FMO2: variants seen among roughly 807,000 people sequenced by gnomAD.
FMO2 encodes flavin-containing monooxygenase 2.
FMO2 carries 33 observed loss-of-function variants against 41.6 expected under a neutral mutation model. The observed-to-expected ratio is 0.79, with a 90% CI of 0.60 to 1.06. FMO2 has a LOEUF of 1.06. FMO2 is among the 50% of genes least tolerant of loss of function. The pLI, the probability that FMO2 is intolerant of heterozygous loss-of-function variation, is 0.00. For missense variants in FMO2, 619 were observed against 632.9 expected (o/e 0.98, Z 0.23); for synonymous variants, 214 against 219.6 (o/e 0.97, Z 0.23).
chr1:171,196,920 C>G, intron 4 of FMO2, 109 bp downstream of exon 4: 1 of 924,992 alleles, frequency 1.1e-6, no homozygotes, highest in South Asian at 1.6e-5. Flanking sequence ...GAACTTGGCT[C>G]AATAAGATTG....
rs140394156 is a variant in FMO2, at chr1:171,199,358, T to C, written c.497T>C (p.Phe166Ser). Residue 166 changes from phenylalanine (F) to serine (S), a missense_variant, in exon 5 of 9, where the codon TTC (phenylalanine) becomes TCC (serine). Transcript: ENST00000209929. ...PLKSFPGMER[F>S]KGQYFHSRQY... ...CTTCCCCCTGAAGGTATGGAGAGGT[T>C]CAAAGGCCAATATTTCCATAGCCGC... 8,746 of 1,608,106 alleles carry C rather than the reference T, an allele frequency of 5.4e-3. 27 individuals carry two copies. The highest frequency in any genetic ancestry group is 6.6e-3 in the Non-Finnish European group (7,772 of 1,177,332).
intron 2 of FMO2, among the ~76,000 whole-genome samples, chr1:171,189,662 T>C (rs1175235522): frequency 2.2e-5 from 3 of 137,960 alleles, no homozygotes; most frequent in South Asian, 4.6e-4. Flanking sequence ...TTCTTTTCTT[T>C]TTTTTTTTTT....
chr1:171,186,785 A>T (rs535367232), intron 2 of FMO2, among the ~76,000 whole-genome samples: 2 of 152,334 alleles, frequency 1.3e-5, no homozygotes, highest in East Asian at 3.9e-4. Context: ...ATAAGGAGTT[A>T]CAATTATTCC....
At chr1:171,196,842 G>C (rs1462426830) in intron 4 of FMO2, 31 bp downstream of exon 4, 1 of 1,602,732 alleles carries the variant, frequency 6.2e-7, no homozygotes. Context: ...CAGCTTTTTG[G>C]AGTAGGTTTC....
In FMO2 at chr1:171,185,752, T is replaced by C. The variant is rs1297745958; in HGVS notation, c.39T>C (p.Ser13=). ...TAGCTGTGATTGGAGCTGGGGTCAG[T>C]GGCCTAATTTCTCTGAAGTGCTGTG... ...KKVAVIGAGV[S]GLISLKCCVD... The change falls in exon 2 of 9, where the codon AGT becomes AGC. Residue 13 remains serine (S), a synonymous_variant. Coordinates refer to ENST00000209929, the MANE Select transcript of FMO2 (RefSeq NM_001460.5). The C allele has an allele frequency of 6.2e-7, 1 of 1,613,900 alleles. No individual in the cohort carries two copies. Among genetic ancestry groups the C allele is most frequent in the East Asian group, 2.2e-5 (1 of 44,878 alleles).
chr1:171,185,720 A>C lies in FMO2; in HGVS notation c.7A>C (p.Lys3Gln). MA[K>Q]KVAVIGAGVS... ...AACTCCTTGACAGGAGCTGATGGCA[A>C]AGAAGGTAGCTGTGATTGGAGCTGG... Residue 3 changes from lysine to glutamine, a missense_variant, in exon 2 of 9, where the codon AAG (lysine) becomes CAG (glutamine). Coordinates refer to ENST00000209929, the MANE Select transcript of FMO2 (RefSeq NM_001460.5). The C allele has an allele frequency of 6.2e-7, 1 of 1,613,736 alleles. No individual in the cohort carries two copies. The highest frequency in any genetic ancestry group is 8.5e-7 in the Non-Finnish European group (1 of 1,179,722).
chr1:171,201,457 A>C (rs1658532598), intron 5 of FMO2, among the ~76,000 whole-genome samples: 1 of 152,204 alleles, frequency 6.6e-6, no homozygotes, highest in Admixed American at 6.5e-5. Context: ...CTGTGAAAAG[A>C]CTAACCAGAG....
In FMO2 at chr1:171,205,346, G is replaced by C. The variant is rs758174087; in HGVS notation, c.895G>C (p.Val299Leu). Residue 299 changes from valine to leucine, a missense_variant, in exon 7 of 9, where the codon GTG becomes CTG. Val to Leu is a conservative substitution (Grantham distance 32). Transcript: ENST00000209929. ...TCGTCTACTCTGTGGAGCCATCAAG[G>C]TGAAATCTACAGTGAAAGAGCTCAC... The part of the protein sequence containing the change: ...PSRLLCGAIK[V>L]KSTVKELTET... 6.2e-7 allele frequency: 1 copy of C among 1,613,846 alleles called. No individual in the cohort carries two copies. The highest frequency in any genetic ancestry group is 8.5e-7 in the Non-Finnish European group (1 of 1,179,862).
At chr1:171,196,891 T>G in intron 4 of FMO2, 80 bp downstream of exon 4, 1 of 1,306,406 alleles carries the variant, frequency 7.7e-7, no homozygotes, top group Non-Finnish European at 1.1e-6. Flanking sequence ...CAAGCAGGAT[T>G]CATTGCTGCA....
intron 7 of FMO2, among the ~76,000 whole-genome samples, chr1:171,206,350 T>C (rs1025677711): frequency 6.6e-6 from 1 of 152,158 alleles, no homozygotes; most frequent in Non-Finnish European, 1.5e-5. Flanking sequence ...GATAACTGCA[T>C]TTCTCAGGGG....
intron 6 of FMO2, 92 bp downstream of exon 6, chr1:171,204,156 C>T (rs1008575679): frequency 1.1e-5 from 10 of 885,360 alleles, no homozygotes; most frequent in South Asian, 5.9e-5. Context: ...ATTGCTAACA[C>T]GGTAGTTAAA....
Position 171,209,258 on chromosome 1 carries a change from T to C in FMO2, c.*113T>C, listed in dbSNP as rs1571296840. 1 of 405,840 alleles carries C rather than the reference T, an allele frequency of 2.5e-6. No homozygotes were observed. Among genetic ancestry groups the C allele is most frequent in the African/African-American group, 2.1e-5 (1 of 48,708 alleles). The allele number at this position is 405,840 out of a possible 1,614,324, so 25.1% of individuals were successfully genotyped here. On this transcript the variant is annotated 3_prime_UTR_variant, in exon 9 of 9. Transcript: ENST00000209929. ...ATGTTCTAATTATAGATTTTAGAGT[T>C]AGGTAGTACAGGTAAGGGGGAAATT... is the stretch of plus-strand genomic sequence containing the variant.
chr1:171,190,618 G>A (rs1658038806), intron 2 of FMO2, among the ~76,000 whole-genome samples: 1 of 152,128 alleles, frequency 6.6e-6, no homozygotes, highest in South Asian at 2.1e-4. Context: ...TGTACTGTTA[G>A]CATCTTATCC....
chr1:171,201,792 G>A (rs759266328), intron 5 of FMO2, among the ~76,000 whole-genome samples: 2 of 152,062 alleles, frequency 1.3e-5, no homozygotes. Flanking sequence ...ATGACGGAAT[G>A]CACCTCTTTA....
At chr1:171,208,108 C>T (rs188078323) in intron 8 of FMO2, among the ~76,000 whole-genome samples, 2 of 152,142 alleles carry the variant, frequency 1.3e-5, no homozygotes, top group Non-Finnish European at 2.9e-5. Flanking sequence ...CTCAAGCCAC[C>T]TACACTCTGT....
At position 171,211,187 on chromosome 1, in the gene FMO2, T is replaced by G. The variant is rs1050118184; in HGVS notation, c.*2042T>G. The G allele has an allele frequency of 6.6e-6, 1 of 152,228 alleles. No individual in the cohort carries two copies. Among genetic ancestry groups the G allele is most frequent in the African/African-American group, 2.4e-5 (1 of 41,464 alleles). 9.4% of individuals were successfully genotyped at this position (152,228 alleles called of 1,614,324 possible). On this transcript the variant is annotated 3_prime_UTR_variant, in exon 9 of 9. Transcript: ENST00000209929. ...GAATTACCACTGCCTGTGGGCCAAA[T>G]CTAGCTCACTATCTGTTTTTGTAAA...
In FMO2 at chr1:171,208,647, A is replaced by T; in HGVS notation, c.1257-147A>T. 5.7e-6 allele frequency: 4 copies of T among 707,518 alleles called. No individual in the cohort carries two copies. The South Asian group carries it at 7.9e-5, about 14-fold the overall frequency. 43.8% of individuals were successfully genotyped at this position (707,518 alleles called of 1,614,324 possible). A position where few individuals can be genotyped will look rare whatever the true frequency, so the allele number is the denominator to read the frequency against. On this transcript the variant is annotated intron_variant, in intron 8 of 8. Transcript: ENST00000209929. ...TCTGAGATATGAGCCTCCTGGTATG[A>T]TAAACTCAAACTTTCCACCAGAGAT... is the stretch of plus-strand genomic sequence containing the variant.
intron 2 of FMO2, among the ~76,000 whole-genome samples, chr1:171,186,817 T>TAGTA (rs1423197168): frequency 6.6e-6 from 1 of 152,200 alleles, no homozygotes; most frequent in Non-Finnish European, 1.5e-5. Context: ...TCTCAATAGG[T>TAGTA]AGTAGCTTAC....
In FMO2 at chr1:171,199,388, A is replaced by G; in HGVS notation, c.527A>G (p.Tyr176Cys). 2 of 1,611,288 alleles carry G rather than the reference A, an allele frequency of 1.2e-6. No homozygotes were observed. Among genetic ancestry groups the G allele is most frequent in the Non-Finnish European group, 1.7e-6 (2 of 1,178,896 alleles). The change falls in exon 5 of 9, where the codon TAC becomes TGC. Residue 176 changes from tyrosine to cysteine, a missense_variant. Physicochemically the swap from Tyr to Cys is radical, Grantham distance 194. Transcript: ENST00000209929. ...GGCCAATATTTCCATAGCCGCCAATACAAGCATCCAGATGGATTTGAGGGA... is the reference window on the plus strand; with the variant it reads ...GGCCAATATTTCCATAGCCGCCAATGCAAGCATCCAGATGGATTTGAGGGA... ...FKGQYFHSRQYKHPDGFEGKR... is the reference protein window; with the variant it reads ...FKGQYFHSRQCKHPDGFEGKR...
Sources: gnomAD v4.1 joint callset for allele counts (sites outside exome capture counted in the v4.1 genomes callset) on GRCh38, gnomAD v4.1.1 for gene constraint, MANE v1.5 for transcripts, NCBI Gene and HGNC (gene_info 2026-07-23, HGNC 2026-07-21) for gene names.